Variants in SHANK2 observed in about 807,000 individuals in gnomAD.
The protein encoded by SHANK2 is SH3 and multiple ankyrin repeat domains 2, also known as SH3 and multiple ankyrin repeat domains protein 2.
Under a neutral mutation model 133.7 loss-of-function variants are expected in SHANK2, and 43 were observed. The observed-to-expected ratio is 0.32, with a 90% CI of 0.25 to 0.41. The LOEUF (loss-of-function observed/expected upper bound fraction) is 0.41, where lower values mean the gene tolerates loss of function less well. SHANK2 is among the 10% of genes least tolerant of loss of function. The pLI, the probability that SHANK2 is intolerant of heterozygous loss-of-function variation, is 1.00. For synonymous variants in SHANK2, 1,017 were observed against 952.8 expected, an observed-to-expected ratio of 1.07 and a Z score of -1.24; for missense variants, 1,994 against 2,235.8, an observed-to-expected ratio of 0.89 and a Z score of 2.18.
At chr11:70,872,149 G>A (rs924194093) in intron 11 of SHANK2, 4 of 154,750 alleles carry the variant, frequency 2.6e-5, no homozygotes, top group Middle Eastern at 1.0e-3. Context: ...TTCAGGGCAC[G>A]GATGAATAAT....
At chr11:70,881,261 G>A (rs2135580044) in intron 11 of SHANK2, among the ~76,000 whole-genome samples, 1 of 152,068 alleles carries the variant, frequency 6.6e-6, no homozygotes, top group Non-Finnish European at 1.5e-5. Flanking sequence ...CACCCAGGCT[G>A]GTCTTGAACT....
intron 2 of SHANK2, among the ~76,000 whole-genome samples, chr11:71,170,478 T>C (rs1473361560): frequency 6.6e-6 from 1 of 152,246 alleles, no homozygotes; most frequent in Non-Finnish European, 1.5e-5. Flanking sequence ...CAGCTTTCAA[T>C]CTCATGAAAT....
intron 2 of SHANK2, among the ~76,000 whole-genome samples, chr11:71,196,720 C>T (rs139833094): frequency 9.2e-5 from 14 of 151,814 alleles, no homozygotes; most frequent in African/African-American, 2.4e-4. Flanking sequence ...CATCCCTGCC[C>T]GATGCAATGG....
intron 15 of SHANK2, among the ~76,000 whole-genome samples, chr11:70,682,754 T>A (rs1178580971): frequency 6.6e-6 from 1 of 152,006 alleles, no homozygotes; most frequent in Non-Finnish European, 1.5e-5. Context: ...TCGGGGAGCA[T>A]CCTGGTTCCT....
At chr11:71,061,934 G>A (rs1305335567) in intron 9 of SHANK2, among the ~76,000 whole-genome samples, 1 of 151,460 alleles carries the variant, frequency 6.6e-6, no homozygotes, top group Non-Finnish European at 1.5e-5. Flanking sequence ...ACCCCCAGTG[G>A]GATCCTGTTA....
At chr11:71,193,334 A>AGTGTGTGTGTGCATGCACACATACAT (rs1463202954) in intron 2 of SHANK2, among the ~76,000 whole-genome samples, 12 of 151,990 alleles carry the variant, frequency 7.9e-5, no homozygotes, top group Non-Finnish European at 1.3e-4. Context: ...TGTGTGTGGG[A>AGTGTGTGTGTGCATGCACACATACAT]GTGTGTGTGT....
chr11:70,536,039 C>T (rs782286587), intron 17 of SHANK2, among the ~76,000 whole-genome samples: 13 of 152,206 alleles, frequency 8.5e-5, no homozygotes, highest in Non-Finnish European at 1.3e-4. Flanking sequence ...CACACACTGT[C>T]GCCAAGGCAC....
chr11:70,658,264 GACAC>G (rs1208417379), intron 17 of SHANK2, among the ~76,000 whole-genome samples: 10 of 99,308 alleles, frequency 1.0e-4, no homozygotes, highest in Admixed American at 5.6e-4. Flanking sequence ...CACACACACA[GACAC>G]ACACACACAC....
intron 17 of SHANK2, among the ~76,000 whole-genome samples, chr11:70,649,176 T>A (rs948291168): frequency 2.0e-5 from 3 of 152,116 alleles, no homozygotes; most frequent in Non-Finnish European, 4.4e-5. Context: ...CTGAGGGTGC[T>A]GAAGGAGGTG....
chr11:70,607,229 G>A (rs897492570), intron 17 of SHANK2, among the ~76,000 whole-genome samples: 3 of 152,320 alleles, frequency 2.0e-5, no homozygotes, highest in Non-Finnish European at 4.4e-5. Flanking sequence ...GATTGCCCAG[G>A]TCACGTACCC....
Position 71,119,013 on chromosome 11 carries a change from G to A in SHANK2, c.227C>T (p.Pro76Leu), listed in dbSNP as rs199717803. ...CTTTGCAACCCACACTGTGGCATCC[G>A]GGTTAAATCGAATGCATTTCTGCCA... ...LQQTKCIRFN[P>L]DATVWVAKQR... Residue 76 changes from proline to leucine, a missense_variant, in exon 4 of 26, where the codon CCG (proline) becomes CTG (leucine). Pro to Leu is a moderately conservative substitution (Grantham distance 98). Coordinates refer to ENST00000601538, the MANE Select transcript of SHANK2 (RefSeq NM_012309.5). 2.4e-4 allele frequency: 373 copies of A among 1,551,682 alleles called. 1 individual carries two copies. Among genetic ancestry groups the A allele is most frequent in the Non-Finnish European group, 3.0e-4 (339 of 1,146,970 alleles).
chr11:70,933,328 G>GA (rs1555082857), intron 10 of SHANK2: 1 of 454,738 alleles, frequency 2.2e-6, no homozygotes, highest in East Asian at 6.9e-5. Context: ...GATTCATAGA[G>GA]ATGGAAAGTA....
At chr11:70,884,604 T>C (rs686805) in intron 11 of SHANK2, among the ~76,000 whole-genome samples, 26,109 of 152,298 alleles carry the variant, frequency 0.17, 3,132 homozygotes, top group African/African-American at 0.34. Context: ...CCATTGAAAC[T>C]GCACTGGGTC....
At chr11:70,861,890 G>A (rs781882513) in intron 11 of SHANK2, among the ~76,000 whole-genome samples, 14 of 152,234 alleles carry the variant, frequency 9.2e-5, no homozygotes, top group Non-Finnish European at 1.9e-4. Context: ...AAGCAGAGAT[G>A]TGATCAGTTA....
At chr11:70,863,664 T>C (rs1555068403) in intron 11 of SHANK2, 1 of 424,046 alleles carries the variant, frequency 2.4e-6, no homozygotes, top group Non-Finnish European at 4.8e-6. Flanking sequence ...TCTGGCATCC[T>C]GGGCTGGGGG....
At chr11:71,136,268 C>T (rs1218798722) in intron 3 of SHANK2, among the ~76,000 whole-genome samples, 1 of 152,068 alleles carries the variant, frequency 6.6e-6, no homozygotes, top group African/African-American at 2.4e-5. Context: ...AAGACTGGAT[C>T]AAGGAAACGT....
At chr11:70,667,869 A>G (rs1197498417) in intron 15 of SHANK2, 5 of 147,154 alleles carry the variant, frequency 3.4e-5, no homozygotes, top group African/African-American at 1.2e-4. Flanking sequence ...GGCTTTACTC[A>G]TAGCTCTCAG....
chr11:70,592,926 C>T (rs182970601), intron 17 of SHANK2, among the ~76,000 whole-genome samples: 9 of 152,340 alleles, frequency 5.9e-5, no homozygotes, highest in African/African-American at 1.9e-4. Context: ...GCCCCCAGGC[C>T]TGTCACCTAC....
intron 20 of SHANK2, 102 bp downstream of exon 20, chr11:70,501,821 G>T: frequency 2.5e-6 from 3 of 1,219,948 alleles, no homozygotes; most frequent in Admixed American, 4.1e-5. Flanking sequence ...CACGTGGGGA[G>T]CAGCTCACAC....
Sources: gnomAD v4.1 joint callset for allele counts (sites outside exome capture counted in the v4.1 genomes callset) on GRCh38, gnomAD v4.1.1 for gene constraint, MANE v1.5 for transcripts, NCBI Gene and HGNC (gene_info 2026-07-23, HGNC 2026-07-21) for gene names.